HELZ: variants seen among roughly 807,000 people sequenced by gnomAD.
The protein encoded by HELZ is ATP-dependent RNA helicase with zinc finger domain.
Under a neutral mutation model 218.2 loss-of-function variants are expected in HELZ, and 23 were observed. That is an observed-to-expected ratio of 0.11 (90% CI 0.08 to 0.15). The LOEUF is 0.15. HELZ is among the 10% of genes least tolerant of loss of function. The pLI is 1.00. For missense variants in HELZ, 1,813 were observed against 2,353.7 expected, an observed-to-expected ratio of 0.77 and a Z score of 4.75; for synonymous variants, 814 against 829.4, an observed-to-expected ratio of 0.98 and a Z score of 0.32.
intron 6 of HELZ, among the ~76,000 whole-genome samples, chr17:67,202,808 C>T (rs1338727474): frequency 6.6e-6 from 1 of 152,032 alleles, no homozygotes; most frequent in Non-Finnish European, 1.5e-5. Context: ...TCACAAACTA[C>T]AAGAATTAAT....
At position 67,151,118 on chromosome 17, in the gene HELZ, T is replaced by C. The variant is rs2038668689; in HGVS notation, c.2284A>G (p.Ile762Val). ...ACAACCACCACTCGATGTTTAAGAA[T>C]ATCTTCTTTCTGGGGCATCTGAAAG... Reference protein sequence around the residue: ...STFQMPQKEDILKHRVVVVTL... With the variant: ...STFQMPQKEDVLKHRVVVVTL... The change falls in exon 18 of 33, where the codon ATT becomes GTT. Residue 762 changes from isoleucine to valine, a missense_variant. Transcript: ENST00000358691. 1 of 1,613,950 alleles carries C rather than the reference T, an allele frequency of 6.2e-7. No homozygotes were observed. The highest frequency in any genetic ancestry group is 8.5e-7 in the Non-Finnish European group (1 of 1,179,856).
intron 32 of HELZ, among the ~76,000 whole-genome samples, chr17:67,081,930 G>A (rs62072256): frequency 1.9e-4 from 10 of 53,740 alleles, no homozygotes; most frequent in Non-Finnish European, 3.4e-4. Context: ...AGAGCAGAGT[G>A]ATCAGAAGAC....
chr17:67,226,638 T>C (rs1468111265), intron 3 of HELZ, among the ~76,000 whole-genome samples: 1 of 152,134 alleles, frequency 6.6e-6, no homozygotes, highest in Admixed American at 6.5e-5. Flanking sequence ...AGCAATCCCC[T>C]TCGCCCCTCA....
intron 31 of HELZ, among the ~76,000 whole-genome samples, chr17:67,097,804 T>C (rs1040083278): frequency 6.6e-6 from 1 of 152,244 alleles, no homozygotes; most frequent in African/African-American, 2.4e-5. Context: ...AGTTTACTCT[T>C]TGACCCACAA....
chr17:67,202,361 G>A (rs1015196233), intron 6 of HELZ, among the ~76,000 whole-genome samples: 1 of 152,054 alleles, frequency 6.6e-6, no homozygotes, highest in Non-Finnish European at 1.5e-5. Context: ...GAGCACAGTG[G>A]CACATGCCTA....
rs552863439 is a variant in HELZ at position 67,133,416 on chromosome 17, A to G, written c.3182+2554T>C. ...CTCATGCAATTCACAGTATAATATG[A>G]TTCTTTAAGAAAGGGGTAATGGTTT... On this transcript the variant is annotated intron_variant, in intron 23 of 32. Coordinates refer to ENST00000358691, the MANE Select transcript of HELZ (RefSeq NM_014877.4). 8.5e-5 allele frequency among the ~76,000 whole-genome samples: 13 copies of G among 152,344 alleles called. No individual in the cohort carries two copies. In the South Asian group the frequency reaches 2.1e-3, roughly 24 times the overall value.
At chr17:67,139,105 A>G (rs1348938121) in intron 21 of HELZ, among the ~76,000 whole-genome samples, 2 of 151,862 alleles carry the variant, frequency 1.3e-5, no homozygotes, top group Non-Finnish European at 2.9e-5. Flanking sequence ...TTAATTTATA[A>G]TATTAAATAT....
chr17:67,200,986 G>A lies in HELZ; in HGVS notation c.429+143C>T, dbSNP rs926584717. On this transcript the variant is annotated intron_variant, in intron 7 of 32. Transcript: ENST00000358691. Reference sequence around the variant, plus strand: ...GACTGTGGGTTATGGGGGTTACGAGGGAAGGCTGGCAGTCCCACTGCCCCA... The same window carrying A: ...GACTGTGGGTTATGGGGGTTACGAGAGAAGGCTGGCAGTCCCACTGCCCCA... 16 of 712,382 alleles carry A rather than the reference G, an allele frequency of 2.2e-5. No individual in the cohort carries two copies. The African/African-American group carries it at 2.4e-4, about 11-fold the overall frequency. The allele number at this position is 712,382 out of a possible 1,614,324, so 44.1% of individuals were successfully genotyped here.
intron 12 of HELZ, among the ~76,000 whole-genome samples, chr17:67,186,780 A>T (rs1469810401): frequency 1.3e-5 from 2 of 152,210 alleles, no homozygotes; most frequent in African/African-American, 4.8e-5. Flanking sequence ...AGCCAAGAAC[A>T]TCCTTTACAG....
At chr17:67,225,251 A>C (rs1480874895) in intron 3 of HELZ, 1 of 233,286 alleles carries the variant, frequency 4.3e-6, no homozygotes, top group African/African-American at 2.3e-5. Context: ...CCTATAAAGT[A>C]GATATTAGAA....
intron 21 of HELZ, among the ~76,000 whole-genome samples, chr17:67,139,562 C>T (rs1006608681): frequency 2.6e-5 from 4 of 152,096 alleles, no homozygotes; most frequent in Non-Finnish European, 5.9e-5. Context: ...TCTGGGAAAC[C>T]TCTCTCCCAG....
chr17:67,205,063 A>G (rs902630577), intron 5 of HELZ, among the ~76,000 whole-genome samples: 1 of 152,318 alleles, frequency 6.6e-6, no homozygotes, highest in East Asian at 1.9e-4. Flanking sequence ...ATGGTGGCTC[A>G]TGCCTGTAAT....
rs2036085369 is a variant in HELZ at position 67,078,496 on chromosome 17, T to C, written c.5585A>G (p.His1862Arg). ...CATAAGGGGTGGAAACTGGCCAAGA[T>C]GCTGCAGCACACTGTAGTTGAAGGA... ...SSSFNYSVLQ[H>R]LGQFPPLMPN... is the part of the protein sequence containing the mutation. The change falls in exon 33 of 33, where the codon CAT becomes CGT. Residue 1862 changes from histidine (H) to arginine (R), a missense_variant. His to Arg is a conservative substitution (Grantham distance 29). Around this residue, in one of 4 missense-constraint regions of HELZ, gnomAD observed 938 missense variants for 1,027.5 expected, o/e 0.91. Transcript: ENST00000358691. 1.9e-6 allele frequency: 3 copies of C among 1,566,310 alleles called. No individual in the cohort carries two copies. The highest frequency in any genetic ancestry group is 2.6e-6 in the Non-Finnish European group (3 of 1,160,434).
chr17:67,116,797 G>A (rs974619026), intron 27 of HELZ, among the ~76,000 whole-genome samples: 3 of 152,134 alleles, frequency 2.0e-5, no homozygotes, highest in Non-Finnish European at 4.4e-5. Flanking sequence ...AGAAAGAGTA[G>A]AATCAGCAAG....
Position 67,132,218 on chromosome 17 carries a change from C to CTGTGTGTGTGTGTGTGTGTG in HELZ, c.3183-3383_3183-3364dup, listed in dbSNP as rs57691319. Among the ~76,000 whole-genome samples, 392 of 147,962 alleles carry CTGTGTGTGTGTGTGTGTGTG rather than the reference C, an allele frequency of 2.6e-3. 1 individual carries two copies. Among genetic ancestry groups the CTGTGTGTGTGTGTGTGTGTG allele is most frequent in the Non-Finnish European group, 1.9e-3 (129 of 66,514 alleles). Reference sequence around the variant, plus strand: ...AAAATCACTTGGTGTCCTTAGGTCACTGTGTGTGTGTGTGTGTGTGTGTGT... The same window carrying CTGTGTGTGTGTGTGTGTGTG: ...AAAATCACTTGGTGTCCTTAGGTCACTGTGTGTGTGTGTGTGTGTGTGTGTGTGTGTGTGTGTGTGTGTGT... On this transcript the variant is annotated intron_variant, in intron 23 of 32. Transcript: ENST00000358691.
intron 16 of HELZ, 35 bp from the exon 17 acceptor site, chr17:67,160,397 T>A: frequency 7.0e-7 from 1 of 1,423,656 alleles, no homozygotes; most frequent in Non-Finnish European, 9.9e-7. Flanking sequence ...AAAAGAATGA[T>A]AAAACACAAA....
At chr17:67,224,301 C>G (rs1223463839) in intron 3 of HELZ, 1 of 156,794 alleles carries the variant, frequency 6.4e-6, no homozygotes, top group African/African-American at 2.4e-5. Flanking sequence ...ATTTTTCTTA[C>G]AGTGTCAGCA....
chr17:67,170,719 A>G (rs75098654), intron 13 of HELZ, among the ~76,000 whole-genome samples: 5,814 of 151,542 alleles, frequency 0.038, 379 homozygotes, highest in African/African-American at 0.13. Context: ...CATAGCTACA[A>G]GGGAGGCTGA....
upstream of HELZ, chr17:67,245,391 T>G (rs2041456856): frequency 1.2e-6 from 1 of 820,450 alleles, no homozygotes; most frequent in Non-Finnish European, 1.5e-6. Context: ...TCACCCGCAT[T>G]TTTAAAACGT....
Sources: gnomAD v4.1 joint callset for allele counts (sites outside exome capture counted in the v4.1 genomes callset) on GRCh38, gnomAD v4.1.1 for gene constraint, gnomAD v4.1.1 regional missense constraint, MANE v1.5 for transcripts, NCBI Gene and HGNC (gene_info 2026-07-23, HGNC 2026-07-21) for gene names.